Variants in DZIP1 observed in about 807,000 individuals in gnomAD.
DZIP1 encodes the protein cilium assembly protein DZIP1.
DZIP1 carries 97 observed loss-of-function variants against 107.6 expected under a neutral mutation model. That is an observed-to-expected ratio of 0.90 (90% CI 0.77 to 1.07). The LOEUF is 1.07. Ranked by LOEUF, DZIP1 falls within the 50% of genes least tolerant of loss-of-function variation. The pLI, the probability that DZIP1 is intolerant of heterozygous loss-of-function variation, is 0.00. For synonymous variants in DZIP1, 390 were observed against 386.4 expected, an observed-to-expected ratio of 1.01 and a Z score of -0.11; for missense variants, 1,035 against 1,063.6, an observed-to-expected ratio of 0.97 and a Z score of 0.37.
Position 95,590,010 on chromosome 13 carries a change from C to T in DZIP1, c.1844-78G>A, listed in dbSNP as rs1360179941. On this transcript the variant is annotated intron_variant, in intron 17 of 22. Transcript: ENST00000376829. ...AAAAGCAAAGGTAAACGGTATAATA[C>T]CCCCTATGCTGCTGTGGCAATGAAC... 7 of 1,503,346 alleles carry T rather than the reference C, an allele frequency of 4.7e-6. No individual in the cohort carries two copies. In the Admixed American group the frequency reaches 6.2e-5, roughly 13 times the overall value. The allele number at this position is 1,503,346 out of a possible 1,614,324, so 93.1% of individuals were successfully genotyped here.
In DZIP1 at chr13:95,625,777, G is replaced by A. The variant is rs1298729424; in HGVS notation, c.811-848C>T. Among the ~76,000 whole-genome samples the A allele has an allele frequency of 5.3e-5, 8 of 152,116 alleles. No homozygotes were observed. The East Asian group carries it at 1.5e-3, about 29-fold the overall frequency. On this transcript the variant is annotated intron_variant, in intron 7 of 22. Coordinates refer to ENST00000376829, the MANE Select transcript of DZIP1 (RefSeq NM_198968.4). ...CACAACATACCAAGATTCATGAGAT[G>A]CAGCCAAATCAGTGCTCAGAAATAA...
chr13:95,591,555 A>G (rs915802105), intron 16 of DZIP1, among the ~76,000 whole-genome samples: 3 of 152,148 alleles, frequency 2.0e-5, no homozygotes, highest in African/African-American at 4.8e-5. Flanking sequence ...TGCCCAGGAC[A>G]GAAATCTCCA....
rs200989070 is a variant in DZIP1, at chr13:95,586,013, T to G, written c.2342A>C (p.Glu781Ala). The change falls in exon 21 of 23, where the codon GAA (glutamate) becomes GCA (alanine). Residue 781 changes from glutamate (E) to alanine (A), a missense_variant. Coordinates refer to ENST00000376829, the MANE Select transcript of DZIP1 (RefSeq NM_198968.4). ...EMFIKKEELQ[E>A]LKCADVEDED... ...AAGTAAAAGTGATTTCACCTTTAGT[T>G]CTTGTAATTCTTCTTTTTTGATAAA... 2 of 1,600,472 alleles carry G rather than the reference T, an allele frequency of 1.2e-6. No individual in the cohort carries two copies. Among genetic ancestry groups the G allele is most frequent in the East Asian group, 4.5e-5 (2 of 44,418 alleles).
chr13:95,608,989 C>A (rs937979480), intron 13 of DZIP1, among the ~76,000 whole-genome samples: 2 of 152,306 alleles, frequency 1.3e-5, no homozygotes, highest in African/African-American at 4.8e-5. Flanking sequence ...AAGATTATGT[C>A]CTTTTGTTTT....
intron 5 of DZIP1, 29 bp from the exon 6 acceptor site, chr13:95,633,350 T>C: frequency 6.3e-7 from 1 of 1,585,018 alleles, no homozygotes; most frequent in Non-Finnish European, 8.7e-7. Context: ...CAAATCCAAG[T>C]GTCTGTAACG....
chr13:95,638,085 C>CTT (rs57203833), intron 5 of DZIP1, among the ~76,000 whole-genome samples: 1,188 of 88,624 alleles, frequency 0.013, 27 homozygotes, highest in African/African-American at 0.041. Context: ...TGAGTTCAAT[C>CTT]TTTTTTTTTT....
At chr13:95,638,885 C>A (rs1566436280) in intron 5 of DZIP1, among the ~76,000 whole-genome samples, 1 of 152,046 alleles carries the variant, frequency 6.6e-6, no homozygotes, top group Non-Finnish European at 1.5e-5. Flanking sequence ...TGCGGTGGAC[C>A]CAATCATTGT....
intron 5 of DZIP1, among the ~76,000 whole-genome samples, chr13:95,635,332 G>A (rs745610214): frequency 2.0e-5 from 3 of 151,440 alleles, no homozygotes; most frequent in Non-Finnish European, 2.9e-5. Context: ...GAGTAGCTGA[G>A]ATTACAGGTG....
intron 9 of DZIP1, 146 bp from the exon 10 acceptor site, chr13:95,620,093 C>A: frequency 1.3e-6 from 1 of 767,180 alleles, no homozygotes; most frequent in Non-Finnish European, 2.1e-6. Context: ...GCTCTCGGTC[C>A]CCACTCAAAT....
At chr13:95,601,711 G>A (rs1266706796) in intron 14 of DZIP1, among the ~76,000 whole-genome samples, 2 of 152,178 alleles carry the variant, frequency 1.3e-5, no homozygotes, top group Non-Finnish European at 2.9e-5. Context: ...TCCAAAGTCT[G>A]GGGACTTGTC....
Position 95,641,608 on chromosome 13 carries a change from T to C in DZIP1, c.284A>G (p.Asn95Ser), listed in dbSNP as rs1878511935. The change falls in exon 5 of 23, where the codon AAC (asparagine) becomes AGC (serine). Residue 95 changes from asparagine (N) to serine (S), a missense_variant. By Grantham distance (46) the Asn-to-Ser change is conservative (BLOSUM62 1). Transcript: ENST00000376829. This position sits in a 1 kb window ranked among gnomAD's most constrained non-coding sequence, Gnocchi z 4.3. ...GTCTTCCAGCTTGCAGAAGGTGATG[T>C]TCATGATGTTCTCCTGCAGCGTCAG... ...DVLTLQENIM[N>S]ITFCKLEDEK... The C allele has an allele frequency of 6.2e-7, 1 of 1,612,720 alleles. No homozygotes were observed. The highest frequency in any genetic ancestry group is 1.3e-5 in the African/African-American group (1 of 74,958).
chr13:95,601,783 T>C (rs1199734538), intron 14 of DZIP1, among the ~76,000 whole-genome samples: 1 of 152,146 alleles, frequency 6.6e-6, no homozygotes, highest in Non-Finnish European at 1.5e-5. Context: ...CTTCTCCAAA[T>C]GCCACCGCTG....
At chr13:95,619,112 T>A (rs899975662) in intron 10 of DZIP1, among the ~76,000 whole-genome samples, 2 of 152,148 alleles carry the variant, frequency 1.3e-5, no homozygotes, top group Admixed American at 6.5e-5. Context: ...TATTTGACAA[T>A]GAAGAAATGA....
intron 6 of DZIP1, 141 bp from the exon 7 acceptor site, chr13:95,630,254 C>A: frequency 9.6e-7 from 1 of 1,042,056 alleles, no homozygotes; most frequent in East Asian, 2.9e-5. Context: ...CCACATGAGC[C>A]AATTTTTGCT....
Position 95,582,244 on chromosome 13 carries a change from G to A in DZIP1, c.2594C>T (p.Ser865Leu), listed in dbSNP as rs1341841623. ...TTCTGACATGTGGAATTAGACATCTGAAGTGTCGCTCCAATCAGTCACAGT... is the reference window on the plus strand; with the variant it reads ...TTCTGACATGTGGAATTAGACATCTAAAGTGTCGCTCCAATCAGTCACAGT... Reference protein sequence around the residue: ...LVTVTDWSDTSDV With the variant: ...LVTVTDWSDTLDV The change falls in exon 23 of 23, where the codon TCA (serine) becomes TTA (leucine). Residue 865 changes from serine (S) to leucine (L), a missense_variant. Coordinates refer to ENST00000376829, the MANE Select transcript of DZIP1 (RefSeq NM_198968.4). 6.2e-7 allele frequency: 1 copy of A among 1,613,996 alleles called. No homozygotes were observed. Among genetic ancestry groups the A allele is most frequent in the Non-Finnish European group, 8.5e-7 (1 of 1,179,906 alleles).
At chr13:95,590,584 T>A in intron 16 of DZIP1, 143 bp from the exon 17 acceptor site, 1 of 742,296 alleles carries the variant, frequency 1.3e-6, no homozygotes, top group Non-Finnish European at 2.1e-6. Flanking sequence ...CCCCAACAAG[T>A]AACACACTGT....
Position 95,633,337 on chromosome 13 carries a change from C to T in DZIP1, c.598-16G>A. 2 of 1,603,934 alleles carry T rather than the reference C, an allele frequency of 1.2e-6. No homozygotes were observed. Among genetic ancestry groups the T allele is most frequent in the Non-Finnish European group, 1.7e-6 (2 of 1,170,880 alleles). On this transcript the variant is annotated splice_polypyrimidine_tract_variant and intron_variant, in intron 5 of 22. Transcript: ENST00000376829. Reference sequence around the variant, plus strand: ...AAAAATGGCACTGAAAAGGAGAGAGCAACAAATCCAAGTGTCTGTAACGAC... The same window carrying T: ...AAAAATGGCACTGAAAAGGAGAGAGTAACAAATCCAAGTGTCTGTAACGAC...
intron 13 of DZIP1, among the ~76,000 whole-genome samples, chr13:95,606,327 T>C (rs2044775554): frequency 6.6e-6 from 1 of 152,150 alleles, no homozygotes; most frequent in Non-Finnish European, 1.5e-5. Context: ...ACTGTCTAAT[T>C]CTCGAACATT....
chr13:95,628,442 T>C (rs1876815892), intron 7 of DZIP1, among the ~76,000 whole-genome samples: 1 of 152,166 alleles, frequency 6.6e-6, no homozygotes, highest in Admixed American at 6.5e-5. Flanking sequence ...AGTGATTATT[T>C]AATGGGTATG....
Sources: allele counts gnomAD v4.1 joint callset (sites outside exome capture counted in the v4.1 genomes callset), GRCh38; gene constraint gnomAD v4.1.1; non-coding constraint Gnocchi (gnomAD v3.1); transcripts MANE v1.5; gene names NCBI Gene and HGNC (gene_info 2026-07-23, HGNC 2026-07-21).